RNF17: variants seen among roughly 807,000 people sequenced by gnomAD.
RNF17 encodes spermatogenesis associated 23.
In RNF17, 31 loss-of-function variants were observed where a neutral mutation model predicts 200.5. The observed-to-expected ratio is 0.15, with a 90% CI of 0.12 to 0.21. The LOEUF is 0.21. Among genes scored for constraint, RNF17 ranks in the 10% least tolerant of loss-of-function variants. RNF17 has a pLI of 1.00. For synonymous variants in RNF17, 606 were observed against 637.8 expected, an observed-to-expected ratio of 0.95 and a Z score of 0.75; for missense variants, 1,628 against 1,905.1, an observed-to-expected ratio of 0.85 and a Z score of 2.71.
Position 24,861,385 on chromosome 13 carries a change from C to T in RNF17, c.3892C>T (p.Pro1298Ser). ...TCCTTGTCAGCTCCATAATACCACACCTGTGAGTACATAATAATTTGTGGA... is the reference window on the plus strand; with the variant it reads ...TCCTTGTCAGCTCCATAATACCACATCTGTGAGTACATAATAATTTGTGGA... ...CIPCQLHNTT[P>S]VGNVWQPDAI... Residue 1298 changes from proline (P) to serine (S), a missense_variant and splice_region_variant, in exon 27 of 36, where the codon CCT becomes TCT. By Grantham distance (74) the Pro-to-Ser change is moderately conservative. Transcript: ENST00000255324. 1 of 1,518,012 alleles carries T rather than the reference C, an allele frequency of 6.6e-7. No homozygotes were observed. Among genetic ancestry groups the T allele is most frequent in the Non-Finnish European group, 8.9e-7 (1 of 1,127,796 alleles). The allele number at this position is 1,518,012 out of a possible 1,614,324, so 94.0% of individuals were successfully genotyped here. A position where few individuals can be genotyped will look rare whatever the true frequency, so the allele number is the denominator to read the frequency against.
the RNF17 span, among the ~76,000 whole-genome samples, chr13:24,887,247 T>C: frequency 2.0e-5 from 3 of 152,134 alleles, no homozygotes; most frequent in African/African-American, 7.2e-5. Context: ...AAGATACTGA[T>C]TTGCAATTTA....
intron 13 of RNF17, among the ~76,000 whole-genome samples, chr13:24,802,121 G>A (rs1885316977): frequency 6.6e-6 from 1 of 152,102 alleles, no homozygotes; most frequent in South Asian, 2.1e-4. Context: ...GAGTAGCTGG[G>A]ATTAAAGGCA....
At chr13:24,879,352 G>C in intron 35 of RNF17, 57 bp downstream of exon 35, 1 of 1,148,472 alleles carries the variant, frequency 8.7e-7, no homozygotes. Context: ...ATGAATGCTA[G>C]ATTGATCAGA....
intron 24 of RNF17, 51 bp downstream of exon 24, chr13:24,851,622 G>T: frequency 1.9e-6 from 2 of 1,054,866 alleles, no homozygotes; most frequent in Non-Finnish European, 1.4e-6. Context: ...GGATGCCTCA[G>T]TTGCGTGTGC....
intron 18 of RNF17, among the ~76,000 whole-genome samples, chr13:24,835,597 GA>G (rs1166605455): frequency 6.6e-6 from 1 of 152,110 alleles, no homozygotes; most frequent in Admixed American, 6.5e-5. Flanking sequence ...CAGCTCACAG[GA>G]AGCCACATCC....
Position 24,843,590 on chromosome 13 carries a change from T to C in RNF17, c.2604-154T>C, listed in dbSNP as rs532963749. ...GTGAGGGTTATTGAAGTATAACTTA[T>C]ATACAGTAAAAAGTCACCTGTTTTA... is the stretch of plus-strand genomic sequence containing the variant. On this transcript the variant is annotated intron_variant, in intron 19 of 35. Transcript: ENST00000255324. Among the ~76,000 whole-genome samples the C allele has an allele frequency of 4.6e-5, 7 of 152,308 alleles. No individual in the cohort carries two copies. The East Asian group carries it at 1.3e-3, about 29-fold the overall frequency.
At chr13:24,759,442 T>G (rs761904428), upstream of RNF17, among the ~76,000 whole-genome samples, 1 of 152,344 alleles carries the variant, frequency 6.6e-6, no homozygotes, top group East Asian at 1.9e-4. Flanking sequence ...TAATTTATTT[T>G]CAGAACCCTC....
the RNF17 span, chr13:24,886,266 G>A: frequency 7.9e-7 from 1 of 1,267,488 alleles, no homozygotes; most frequent in Non-Finnish European, 1.0e-6. Flanking sequence ...GCCAGAATCT[G>A]ACCTCCATGT....
chr13:24,825,763 A>G lies in RNF17; in HGVS notation c.2236A>G (p.Lys746Glu), dbSNP rs1248968175. The G allele has an allele frequency of 6.2e-7, 1 of 1,612,900 alleles. No homozygotes were observed. The change falls in exon 16 of 36, where the codon AAA becomes GAA. Residue 746 changes from lysine to glutamate, a missense_variant. By Grantham distance (56) the Lys-to-Glu change is moderately conservative. Transcript: ENST00000255324. Reference protein sequence around the residue: ...KFEDGIWYRAKVIGLPGHQEV... With the variant: ...KFEDGIWYRAEVIGLPGHQEV... ...TGAAGATGGAATTTGGTACCGAGCAAAAGTTATCGGTAGGAGAATGCATGC... is the reference window on the plus strand; with the variant it reads ...TGAAGATGGAATTTGGTACCGAGCAGAAGTTATCGGTAGGAGAATGCATGC...
At chr13:24,821,389 G>A (rs7337180) in intron 15 of RNF17, among the ~76,000 whole-genome samples, 35,053 of 152,074 alleles carry the variant, frequency 0.23, 4,520 homozygotes, top group Non-Finnish European at 0.29. Flanking sequence ...GGATTTGTAG[G>A]TTCATGTCTT....
chr13:24,866,078 A>G (rs1235106949), intron 29 of RNF17, 66 bp from the exon 30 acceptor site: 99 of 861,406 alleles, frequency 1.1e-4, no homozygotes, highest in Non-Finnish European at 1.4e-4. Context: ...TGTGGGGATG[A>G]AATATGGAAA....
At chr13:24,881,886 ATAGATACATC>A (rs1953842245), downstream of RNF17, among the ~76,000 whole-genome samples, 1 of 136,878 alleles carries the variant, frequency 7.3e-6, no homozygotes, top group African/African-American at 2.6e-5. Context: ...ATATAGATAT[ATAGATACATC>A]TATATAGATA....
intron 6 of RNF17, among the ~76,000 whole-genome samples, chr13:24,782,357 T>TTTG (rs573842534): frequency 6.6e-6 from 1 of 151,980 alleles, no homozygotes; most frequent in African/African-American, 2.4e-5. Flanking sequence ...GTGTTTTTTT[T>TTTG]TTGTTGTTGT....
At position 24,837,712 on chromosome 13, in the gene RNF17, C is replaced by T. The variant is rs181129619; in HGVS notation, c.2483-4329C>T. Among the ~76,000 whole-genome samples, 227 of 152,198 alleles carry T rather than the reference C, an allele frequency of 1.5e-3. 1 individual carries two copies. Among genetic ancestry groups the T allele is most frequent in the African/African-American group, 5.2e-3 (218 of 41,540 alleles). On this transcript the variant is annotated intron_variant, in intron 18 of 35. Transcript: ENST00000255324. ...CAAAGGCGGGTGCTAAGAAAAGTTC[C>T]TAGCCCTACATGCCCACATCAAAAA...
At chr13:24,800,214 C>A in intron 12 of RNF17, 152 bp from the exon 13 acceptor site, 1 of 503,980 alleles carries the variant, frequency 2.0e-6, no homozygotes, top group East Asian at 3.1e-5. Context: ...TAAACTAAGT[C>A]TATATAGTAA....
intron 16 of RNF17, among the ~76,000 whole-genome samples, chr13:24,828,364 G>A (rs1888986293): frequency 6.6e-6 from 1 of 152,230 alleles, no homozygotes; most frequent in African/African-American, 2.4e-5. Context: ...ATGATACTTG[G>A]TTTGGTGAAT....
rs960457474 is a variant in RNF17 at position 24,823,075 on chromosome 13, T to C, written c.2092-2544T>C. Among the ~76,000 whole-genome samples the C allele has an allele frequency of 3.9e-5, 6 of 152,256 alleles. No individual in the cohort carries two copies. In the South Asian group the frequency reaches 6.2e-4, roughly 16 times the overall value. On this transcript the variant is annotated intron_variant, in intron 15 of 35. Transcript: ENST00000255324. ...GTTTGGGATTAAGAGAGTTGTGTTCTTTTTTTAAAAGAAAAAAAAACGGAG... is the reference window on the plus strand; with the variant it reads ...GTTTGGGATTAAGAGAGTTGTGTTCCTTTTTTAAAAGAAAAAAAAACGGAG...
chr13:24,851,313 G>A (rs1345860002), intron 23 of RNF17, 143 bp from the exon 24 acceptor site: 6 of 674,446 alleles, frequency 8.9e-6, no homozygotes, highest in African/African-American at 1.8e-5. Context: ...TTTTGGATGT[G>A]TTTAGATATC....
rs192659809 is a variant in RNF17 at position 24,851,579 on chromosome 13, C to T, written c.3320+8C>T. On this transcript the variant is annotated splice_region_variant and intron_variant, in intron 24 of 35. Transcript: ENST00000255324. ...GGCTTTGAGAGAAAGGAGGTATAGA[C>T]TTTTTTAAAAAATTTTGACATCAGT... 1.7e-4 allele frequency: 265 copies of T among 1,579,866 alleles called. 2 individuals carry two copies. In the African/African-American group the frequency reaches 3.2e-3, roughly 19 times the overall value.
Sources: gnomAD v4.1 joint callset for allele counts (sites outside exome capture counted in the v4.1 genomes callset) on GRCh38, gnomAD v4.1.1 for gene constraint, MANE v1.5 for transcripts, NCBI Gene and HGNC (gene_info 2026-07-23, HGNC 2026-07-21) for gene names.